FLVCR1: variants seen among roughly 807,000 people sequenced by gnomAD.
FLVCR1 encodes choline/ethanolamine transporter FLVCR1.
FLVCR1 carries 34 observed loss-of-function variants against 53.6 expected under a neutral mutation model. The ratio of observed to expected loss-of-function variants is 0.63; its 90% confidence interval spans 0.48 to 0.84. The LOEUF is 0.84. Ranked by LOEUF, FLVCR1 falls within the 40% of genes least tolerant of loss-of-function variation. FLVCR1 has a pLI of 0.00. For missense variants in FLVCR1, 677 were observed against 696.7 expected (o/e 0.97, Z 0.32); for synonymous variants, 300 against 286.3 (o/e 1.05, Z -0.48).
chr1:212,889,166 A>C lies in FLVCR1; in HGVS notation c.1434A>C (p.Thr478=). 1 of 1,612,590 alleles carries C rather than the reference A, an allele frequency of 6.2e-7. No individual in the cohort carries two copies. The highest frequency in any genetic ancestry group is 1.1e-5 in the South Asian group (1 of 91,022). Residue 478 remains threonine (T), a synonymous_variant, in exon 8 of 10, where the codon ACA becomes ACC. Transcript: ENST00000366971. ...ASAQIFGILF[T]LAQGKLTSDY... ...TTTAGATATTTGGAATTTTGTTCACATTGGCTCAAGGAAAGCTCACATCAG... is the reference window on the plus strand; with the variant it reads ...TTTAGATATTTGGAATTTTGTTCACCTTGGCTCAAGGAAAGCTCACATCAG...
At chr1:212,865,115 TA>T (rs1328448340) in intron 2 of FLVCR1, among the ~76,000 whole-genome samples, 22 of 143,854 alleles carry the variant, frequency 1.5e-4, no homozygotes, top group African/African-American at 2.3e-4. Context: ...TTTGTATTCT[TA>T]AAAAAAAAAC....
intron 1 of FLVCR1, among the ~76,000 whole-genome samples, chr1:212,862,400 A>G (rs1664272350): frequency 6.6e-6 from 1 of 152,074 alleles, no homozygotes; most frequent in East Asian, 1.9e-4. Context: ...CCTGTTCTGG[A>G]TATTTCATAT....
At chr1:212,888,071 C>G in intron 6 of FLVCR1, 70 bp downstream of exon 6, 6 of 952,396 alleles carry the variant, frequency 6.3e-6, no homozygotes, top group Middle Eastern at 2.1e-4. Flanking sequence ...TTACTCTGGT[C>G]TTTAATTTTT....
At chr1:212,871,759 C>T (rs1664603323) in intron 2 of FLVCR1, among the ~76,000 whole-genome samples, 1 of 152,116 alleles carries the variant, frequency 6.6e-6, no homozygotes, top group South Asian at 2.1e-4. Flanking sequence ...GAAAGTTGGT[C>T]GATCTTTCCT....
At chr1:212,878,708 C>T (rs545259120) in intron 3 of FLVCR1, among the ~76,000 whole-genome samples, 1 of 152,056 alleles carries the variant, frequency 6.6e-6, no homozygotes, top group African/African-American at 2.4e-5. Context: ...GCAACTAAAA[C>T]TATAAAGATA....
At chr1:212,859,478 G>A (rs1390039373) in intron 1 of FLVCR1, among the ~76,000 whole-genome samples, 1 of 152,150 alleles carries the variant, frequency 6.6e-6, no homozygotes, top group Non-Finnish European at 1.5e-5. Context: ...AGCACTTTGG[G>A]AGGCCGAGGT....
At chr1:212,872,562 T>C (rs1264268135) in intron 2 of FLVCR1, 116 bp from the exon 3 acceptor site, 1 of 745,020 alleles carries the variant, frequency 1.3e-6, no homozygotes, top group Non-Finnish European at 2.2e-6. Context: ...CTCTTTAAAC[T>C]TAAACTGTAT....
intron 3 of FLVCR1, among the ~76,000 whole-genome samples, chr1:212,874,449 A>G (rs1370716169): frequency 1.3e-5 from 2 of 152,006 alleles, no homozygotes; most frequent in Non-Finnish European, 2.9e-5. Flanking sequence ...AATTAGATAT[A>G]GAGAAAATAT....
rs1665357227 is a variant in FLVCR1 at position 212,897,060 on chromosome 1, T to G, written c.*1770T>G. On this transcript the variant is annotated 3_prime_UTR_variant, in exon 10 of 10. Coordinates refer to ENST00000366971, the MANE Select transcript of FLVCR1 (RefSeq NM_014053.4). ...GGCAGGCGCCTGTAATCCCAGCTAC[T>G]CAGGAGGCTGAGGCAGGAGAATCGC... 2 of 58,160 alleles carry G rather than the reference T, an allele frequency of 3.4e-5. No homozygotes were observed. The highest frequency in any genetic ancestry group is 1.5e-4 in the Admixed American group (1 of 6,878). 3.6% of individuals were successfully genotyped at this position (58,160 alleles called of 1,614,324 possible).
At chr1:212,878,894 TAGG>T (rs888464777) in intron 3 of FLVCR1, among the ~76,000 whole-genome samples, 1 of 151,902 alleles carries the variant, frequency 6.6e-6, no homozygotes, top group Non-Finnish European at 1.5e-5. Context: ...GGGGCTGAGA[TAGG>T]AGGATTGCTT....
At position 212,895,532 on chromosome 1, in the gene FLVCR1, G is replaced by T; in HGVS notation, c.*242G>T. 5 of 503,526 alleles carry T rather than the reference G, an allele frequency of 9.9e-6. No individual in the cohort carries two copies. The highest frequency in any genetic ancestry group is 2.3e-5 in the South Asian group (1 of 42,992). The allele number at this position is 503,526 out of a possible 1,614,324, so 31.2% of individuals were successfully genotyped here. A position where few individuals can be genotyped will look rare whatever the true frequency, so the allele number is the denominator to read the frequency against. ...ACTACTGTTTATCTAATTAGTATCC[G>T]GTTTTTAGTCTCATATTGTATCTGA... On this transcript the variant is annotated 3_prime_UTR_variant, in exon 10 of 10. Coordinates refer to ENST00000366971, the MANE Select transcript of FLVCR1 (RefSeq NM_014053.4).
intron 8 of FLVCR1, among the ~76,000 whole-genome samples, chr1:212,893,093 T>G (rs1665237974): frequency 6.6e-6 from 1 of 150,926 alleles, no homozygotes; most frequent in Non-Finnish European, 1.5e-5. Context: ...TGTTGCTGTG[T>G]TGCCCAGGCT....
intron 5 of FLVCR1, among the ~76,000 whole-genome samples, chr1:212,887,508 T>C (rs972988016): frequency 6.6e-6 from 1 of 152,238 alleles, no homozygotes; most frequent in African/African-American, 2.4e-5. Context: ...ATAAGTTTTA[T>C]AGTGCCAGTA....
At position 212,895,219 on chromosome 1, in the gene FLVCR1, C is replaced by T; in HGVS notation, c.1597C>T (p.Pro533Ser). The change falls in exon 10 of 10, where the codon CCA (proline) becomes TCA (serine). Residue 533 changes from proline to serine, a missense_variant. By Grantham distance (74) the Pro-to-Ser change is moderately conservative. Transcript: ENST00000366971. ...AATCTTCTGATTGTTTTTATAGATACCAGCTGACAGTCCCACAGACCAAGA... is the reference window on the plus strand; with the variant it reads ...AATCTTCTGATTGTTTTTATAGATATCAGCTGACAGTCCCACAGACCAAGA... The part of the protein sequence containing the change: ...GITNVDVKAI[P>S]ADSPTDQEPK... 2 of 1,609,164 alleles carry T rather than the reference C, an allele frequency of 1.2e-6. No individual in the cohort carries two copies. The highest frequency in any genetic ancestry group is 1.1e-5 in the South Asian group (1 of 90,964).
At chr1:212,860,447 C>T (rs549367717) in intron 1 of FLVCR1, among the ~76,000 whole-genome samples, 4 of 148,806 alleles carry the variant, frequency 2.7e-5, no homozygotes, top group African/African-American at 7.4e-5. Flanking sequence ...CTCTGCCTCC[C>T]GAAGTGCTGG....
chr1:212,875,209 A>C (rs966218277), intron 3 of FLVCR1, among the ~76,000 whole-genome samples: 38 of 152,234 alleles, frequency 2.5e-4, no homozygotes, highest in Non-Finnish European at 4.7e-4. Flanking sequence ...GCCCATAGGA[A>C]ATTGATCATC....
intron 3 of FLVCR1, among the ~76,000 whole-genome samples, chr1:212,877,174 C>T (rs1307289733): frequency 7.1e-6 from 1 of 140,860 alleles, no homozygotes; most frequent in African/African-American, 2.6e-5. Context: ...CTCGCTCTGT[C>T]GCCCAGGCTG....
intron 5 of FLVCR1, 26 bp downstream of exon 5, chr1:212,885,422 G>T: frequency 6.7e-7 from 1 of 1,490,644 alleles, no homozygotes; most frequent in Non-Finnish European, 9.4e-7. Context: ...TACATGTATG[G>T]TGTATAACCA....
intron 3 of FLVCR1, among the ~76,000 whole-genome samples, chr1:212,882,252 C>T (rs1003310810): frequency 9.9e-5 from 15 of 152,086 alleles, no homozygotes; most frequent in South Asian, 4.2e-4. Flanking sequence ...ATTGACAGGA[C>T]GAGATAATTA....
Sources: gnomAD v4.1 joint callset for allele counts (sites outside exome capture counted in the v4.1 genomes callset) on GRCh38, gnomAD v4.1.1 for gene constraint, MANE v1.5 for transcripts, NCBI Gene and HGNC (gene_info 2026-07-23, HGNC 2026-07-21) for gene names.